The following ZRANB3 variants were observed in gnomAD, a reference collection of about 807,000 sequenced individuals.
The protein encoded by ZRANB3 is zinc finger RANBP2-type containing 3, also known as DNA annealing helicase and endonuclease ZRANB3.
In ZRANB3, 125 loss-of-function variants were observed where a neutral mutation model predicts 133.8. The observed-to-expected ratio is 0.93, with a 90% CI of 0.81 to 1.08. The LOEUF is 1.08. Among genes scored for constraint, ZRANB3 ranks in the 50% least tolerant of loss-of-function variants. The pLI is 0.00. For missense variants in ZRANB3, 1,229 were observed against 1,275.5 expected, an observed-to-expected ratio of 0.96 and a Z score of 0.56; for synonymous variants, 387 against 432.7, an observed-to-expected ratio of 0.89 and a Z score of 1.31.
intron 2 of ZRANB3, among the ~76,000 whole-genome samples, chr2:135,498,617 C>A (rs1398326618): frequency 6.6e-6 from 1 of 152,192 alleles, no homozygotes; most frequent in Non-Finnish European, 1.5e-5. Flanking sequence ...ACCATTAAGT[C>A]TGGCTGCCTG....
chr2:135,407,254 C>A (rs551161730), intron 2 of ZRANB3, among the ~76,000 whole-genome samples: 2 of 150,028 alleles, frequency 1.3e-5, no homozygotes, highest in Admixed American at 1.3e-4. Context: ...ACCTAGGAAT[C>A]CAACTTACAA....
chr2:135,502,169 C>T (rs1358721058), intron 2 of ZRANB3, among the ~76,000 whole-genome samples: 1 of 152,100 alleles, frequency 6.6e-6, no homozygotes, highest in Admixed American at 6.5e-5. Context: ...GAAACATTGC[C>T]AAGTTTCCAT....
intron 2 of ZRANB3, among the ~76,000 whole-genome samples, chr2:135,440,874 T>C (rs1279268947): frequency 6.6e-6 from 1 of 152,114 alleles, no homozygotes; most frequent in Admixed American, 6.6e-5. Context: ...CCCAAACTTA[T>C]GAGAACAAAT....
chr2:135,473,342 A>C (rs999374732), intron 2 of ZRANB3, among the ~76,000 whole-genome samples: 1 of 152,226 alleles, frequency 6.6e-6, no homozygotes, highest in African/African-American at 2.4e-5. Context: ...ATATGCAAAC[A>C]TACCAACACC....
intron 2 of ZRANB3, among the ~76,000 whole-genome samples, chr2:135,456,863 T>C (rs1041606862): frequency 5.3e-5 from 8 of 152,162 alleles, no homozygotes; most frequent in African/African-American, 1.9e-4. Flanking sequence ...AGAACACCTT[T>C]CAAATGGTCT....
intron 2 of ZRANB3, among the ~76,000 whole-genome samples, chr2:135,482,462 A>AT (rs1691869918): frequency 6.7e-6 from 1 of 148,936 alleles, no homozygotes; most frequent in Non-Finnish European, 1.5e-5. Flanking sequence ...TTGTACATTG[A>AT]TTTTGTATCC....
At chr2:135,368,967 A>G (rs1686055351) in intron 3 of ZRANB3, among the ~76,000 whole-genome samples, 1 of 152,104 alleles carries the variant, frequency 6.6e-6, no homozygotes, top group Non-Finnish European at 1.5e-5. Flanking sequence ...TAACAAAAAT[A>G]GATAAAGAGT....
chr2:135,413,569 T>C (rs1033963935), intron 2 of ZRANB3, among the ~76,000 whole-genome samples: 3 of 152,204 alleles, frequency 2.0e-5, no homozygotes, highest in African/African-American at 7.2e-5. Context: ...CTTGGTTTAA[T>C]TGGCTTAGTG....
chr2:135,464,826 C>T (rs1690912651), intron 2 of ZRANB3, among the ~76,000 whole-genome samples: 1 of 152,170 alleles, frequency 6.6e-6, no homozygotes, highest in South Asian at 2.1e-4. Context: ...TAATAGCTAA[C>T]AAGAGTTGCT....
intron 2 of ZRANB3, among the ~76,000 whole-genome samples, chr2:135,398,520 A>ATTTTTTT (rs1687597963): frequency 9.4e-6 from 1 of 105,934 alleles, no homozygotes. Context: ...TTCTTTTGTC[A>ATTTTTTT]CTTTTTTTTT....
intron 13 of ZRANB3, among the ~76,000 whole-genome samples, 163 bp downstream of exon 13, chr2:135,230,350 G>A (rs1158696052): frequency 2.0e-5 from 3 of 152,150 alleles, no homozygotes; most frequent in Admixed American, 6.5e-5. Flanking sequence ...CATTCCATAA[G>A]GGATAAATTC....
chr2:135,501,775 C>A (rs1048383320), intron 2 of ZRANB3, among the ~76,000 whole-genome samples: 5 of 152,238 alleles, frequency 3.3e-5, no homozygotes, highest in African/African-American at 1.2e-4. Context: ...GACTGATTCG[C>A]CATGATTCCT....
In ZRANB3 at chr2:135,245,926, C is replaced by CAAAAAAAAAAAAAAAAAAAAAAAAAAAA. The variant is rs1177438717; in HGVS notation, c.1540-15000_1540-14999insTTTTTTTTTTTTTTTTTTTTTTTTTTTT. ...GGGCAACGAGATTGAAACTCCGTCT[C>CAAAAAAAAAAAAAAAAAAAAAAAAAAAA]AAAAAAAAAAAAAAAAAAAAAAGAG... On this transcript the variant is annotated intron_variant, in intron 12 of 20. Coordinates refer to ENST00000264159, the MANE Select transcript of ZRANB3 (RefSeq NM_032143.4). 1.7e-3 allele frequency among the ~76,000 whole-genome samples: 34 copies of CAAAAAAAAAAAAAAAAAAAAAAAAAAAA among 19,538 alleles called. 2 individuals carry two copies. Among genetic ancestry groups the CAAAAAAAAAAAAAAAAAAAAAAAAAAAA allele is most frequent in the Non-Finnish European group, 1.8e-3 (23 of 13,098 alleles). 12.8% of individuals were successfully genotyped at this position (19,538 alleles called of 152,430 possible).
rs777142674 is a variant in ZRANB3, at chr2:135,315,446, A to G, written c.762T>C (p.Ile254=). Residue 254 remains isoleucine, a synonymous_variant, in exon 7 of 21, where the codon ATT becomes ATC. Transcript: ENST00000264159. ...ELHQLLSDIM[I]RRLKTEVLTQ... is the part of the protein sequence containing the mutation. ...TTAAAACTTCAGTCTTTAATCTTCT[A>G]ATCATTATGTCACTTAATAGCTGGT... The G allele has an allele frequency of 6.2e-7, 1 of 1,602,832 alleles. No individual in the cohort carries two copies. Among genetic ancestry groups the G allele is most frequent in the South Asian group, 1.1e-5 (1 of 88,370 alleles).
chr2:135,358,539 G>T (rs1685534439), intron 3 of ZRANB3, among the ~76,000 whole-genome samples: 1 of 152,006 alleles, frequency 6.6e-6, no homozygotes, highest in African/African-American at 2.4e-5. Flanking sequence ...CCTGTTCCCA[G>T]CTATCATATC....
rs181120539 is a variant in ZRANB3, at chr2:135,353,608, G to T, written c.201C>A (p.Ile67=). ...VADEMGLGKT[I]QAIGITYFYK... is the part of the protein sequence containing the mutation. ...AGAAGTAAGTAATTCCAATTGCCTG[G>T]ATTGTCTTTCCTAGACCCATCTAAA... Residue 67 remains isoleucine, a synonymous_variant, in exon 4 of 21, where the codon ATC becomes ATA. Transcript: ENST00000264159. The T allele has an allele frequency of 6.3e-6, 10 of 1,579,466 alleles. No homozygotes were observed. Among genetic ancestry groups the T allele is most frequent in the Non-Finnish European group, 7.7e-6 (9 of 1,162,586 alleles).
At chr2:135,304,229 G>A (rs534722344) in intron 8 of ZRANB3, among the ~76,000 whole-genome samples, 1 of 152,268 alleles carries the variant, frequency 6.6e-6, no homozygotes, top group South Asian at 2.1e-4. Flanking sequence ...GATGTTAGAT[G>A]TAAGTTTTCA....
intron 2 of ZRANB3, among the ~76,000 whole-genome samples, chr2:135,398,250 T>C (rs1251543776): frequency 6.6e-6 from 1 of 151,720 alleles, no homozygotes; most frequent in Non-Finnish European, 1.5e-5. Flanking sequence ...GTTTTTTTAG[T>C]AGAGACGGGG....
At chr2:135,387,008 A>G (rs1687015262) in intron 3 of ZRANB3, among the ~76,000 whole-genome samples, 1 of 151,944 alleles carries the variant, frequency 6.6e-6, no homozygotes, top group African/African-American at 2.4e-5. Flanking sequence ...AAAGGAAAAG[A>G]AAAAGAAAAA....
Sources: gnomAD v4.1 joint callset for allele counts (sites outside exome capture counted in the v4.1 genomes callset) on GRCh38, gnomAD v4.1.1 for gene constraint, MANE v1.5 for transcripts, NCBI Gene and HGNC (gene_info 2026-07-23, HGNC 2026-07-21) for gene names.